Variants in COLQ observed in about 807,000 individuals in gnomAD.
The protein encoded by COLQ is acetylcholinesterase collagenic tail peptide.
COLQ carries 48 observed loss-of-function variants against 69.0 expected under a neutral mutation model. That is an observed-to-expected ratio of 0.70 (90% CI 0.55 to 0.88). The LOEUF (loss-of-function observed/expected upper bound fraction) is 0.88. Among genes scored for constraint, COLQ ranks in the 40% least tolerant of loss-of-function variants. The probability of loss-of-function intolerance (pLI) is 0.00; values close to 1 mark genes in which losing one functional copy is unlikely to be tolerated. For missense variants in COLQ, 618 were observed against 594.6 expected, an observed-to-expected ratio of 1.04 and a Z score of -0.41; for synonymous variants, 217 against 211.2, an observed-to-expected ratio of 1.03 and a Z score of -0.24.
intron 16 of COLQ, among the ~76,000 whole-genome samples, chr3:15,453,248 A>G (rs1559510686): frequency 6.6e-6 from 1 of 152,230 alleles, no homozygotes; most frequent in East Asian, 1.9e-4. Context: ...CTTGTCCTGA[A>G]CAACATAAAT....
rs1227107586 is a variant in COLQ at position 15,479,147 on chromosome 3, G to C, written c.367-144C>G. 2.5e-6 allele frequency: 3 copies of C among 1,187,070 alleles called. No individual in the cohort carries two copies. The Admixed American group carries it at 5.2e-5, about 21-fold the overall frequency. 73.5% of individuals were successfully genotyped at this position (1,187,070 alleles called of 1,614,324 possible). On this transcript the variant is annotated intron_variant, in intron 4 of 16. Transcript: ENST00000383788. ...TCACGGCCCCTCTGCCATGTCGATA[G>C]GCCACGTCAAAATACACCAGTGGTA...
chr3:15,488,981 A>G (rs2062621149), intron 2 of COLQ, among the ~76,000 whole-genome samples: 1 of 152,142 alleles, frequency 6.6e-6, no homozygotes, highest in African/African-American at 2.4e-5. Flanking sequence ...AAGTCCCCAG[A>G]ATGCCCTGGC....
At chr3:15,519,852 T>A (rs2063112328) in intron 1 of COLQ, among the ~76,000 whole-genome samples, 1 of 152,254 alleles carries the variant, frequency 6.6e-6, no homozygotes, top group African/African-American at 2.4e-5. Flanking sequence ...AAAATGATGG[T>A]AAACCCCAGT....
intron 1 of COLQ, among the ~76,000 whole-genome samples, chr3:15,510,214 C>T (rs2062966820): frequency 1.3e-5 from 2 of 151,394 alleles, no homozygotes; most frequent in South Asian, 2.1e-4. Flanking sequence ...TGGAATGAAA[C>T]ATCCCAGGAG....
At chr3:15,515,800 C>T (rs146231392) in intron 1 of COLQ, among the ~76,000 whole-genome samples, 4,124 of 151,916 alleles carry the variant, frequency 0.027, 186 homozygotes, top group African/African-American at 0.092. Flanking sequence ...GGCGAGACTC[C>T]GTCTCAAAAA....
chr3:15,496,764 G>C (rs1047495186), intron 1 of COLQ, among the ~76,000 whole-genome samples: 1 of 152,230 alleles, frequency 6.6e-6, no homozygotes, highest in African/African-American at 2.4e-5. Context: ...TGAAGCTTTT[G>C]TTGTCGATGA....
At chr3:15,465,153 G>A (rs1258863760) in intron 12 of COLQ, among the ~76,000 whole-genome samples, 4 of 95,436 alleles carry the variant, frequency 4.2e-5, no homozygotes, top group African/African-American at 4.2e-5. Context: ...CAACCTGGGC[G>A]ACAGAGCAAG....
In COLQ at chr3:15,470,624, GAAGGA is replaced by G. The variant is rs763532071; in HGVS notation, c.637-13_637-9del. 1.2e-6 allele frequency: 2 copies of G among 1,613,870 alleles called. No individual in the cohort carries two copies. The highest frequency in any genetic ancestry group is 1.7e-6 in the Non-Finnish European group (2 of 1,179,756). On this transcript the variant is annotated splice_polypyrimidine_tract_variant and intron_variant, in intron 10 of 16. Coordinates refer to ENST00000383788, the MANE Select transcript of COLQ (RefSeq NM_005677.4). The stretch of plus-strand genomic sequence containing the variant: ...TTTTGGACCCATTTCACCCTGGAAA[GAAGGA>G]AAGAGAAGCAAGAGAGGACTTAGGG...
chr3:15,498,486 CGT>C (rs746031661), intron 1 of COLQ: 1 of 1,538,638 alleles, frequency 6.5e-7, no homozygotes, highest in Non-Finnish European at 8.8e-7. Context: ...CACACACACA[CGT>C]GCACACACGC....
chr3:15,514,613 T>A (rs888530087), intron 1 of COLQ, among the ~76,000 whole-genome samples: 1 of 152,144 alleles, frequency 6.6e-6, no homozygotes, highest in Admixed American at 6.6e-5. Flanking sequence ...AGTGCTGTAG[T>A]TTGAGACTCT....
In COLQ at chr3:15,461,704, C is replaced by T. The variant is rs146976945; in HGVS notation, c.815-3379G>A. Among the ~76,000 whole-genome samples, 16 of 152,262 alleles carry T rather than the reference C, an allele frequency of 1.1e-4. No homozygotes were observed. In the East Asian group the frequency reaches 2.7e-3, roughly 26 times the overall value. ...CACTGCTGTGACCTTGCAGGCATCA[C>T]TTCTCTTTGAGGTTCAAGATTCTTT... On this transcript the variant is annotated intron_variant, in intron 12 of 16. Transcript: ENST00000383788.
At chr3:15,479,209 C>A (rs1363731670) in intron 4 of COLQ, 129 bp downstream of exon 4, 8 of 1,173,002 alleles carry the variant, frequency 6.8e-6, no homozygotes, top group Non-Finnish European at 9.0e-6. Flanking sequence ...CATCATGGAA[C>A]CCAGCCTCTC....
chr3:15,482,367 A>G (rs1379732907), intron 3 of COLQ, among the ~76,000 whole-genome samples: 1 of 152,154 alleles, frequency 6.6e-6, no homozygotes, highest in Non-Finnish European at 1.5e-5. Flanking sequence ...AGCTCTTATT[A>G]TTTTGAGATA....
At chr3:15,468,457 A>T (rs2062234227) in intron 11 of COLQ, among the ~76,000 whole-genome samples, 1 of 150,202 alleles carries the variant, frequency 6.7e-6, no homozygotes, top group Non-Finnish European at 1.5e-5. Context: ...CAGTTTCCCA[A>T]GCAGCTGGGA....
chr3:15,452,763 T>TCTGGGGGAGA (rs1329967131), intron 16 of COLQ, among the ~76,000 whole-genome samples: 4 of 151,588 alleles, frequency 2.6e-5, no homozygotes, highest in Non-Finnish European at 4.4e-5. Context: ...GGGCTTAGAG[T>TCTGGGGGAGA]CTGGGGGAGA....
At chr3:15,485,267 C>G (rs1330576651) in intron 3 of COLQ, among the ~76,000 whole-genome samples, 2 of 152,204 alleles carry the variant, frequency 1.3e-5, no homozygotes, top group Non-Finnish European at 2.9e-5. Flanking sequence ...GAAGCTTCAT[C>G]TCAGAGGGGC....
intron 2 of COLQ, among the ~76,000 whole-genome samples, chr3:15,489,088 G>A (rs6773439): frequency 0.26 from 39,685 of 152,066 alleles, 6,369 homozygotes; most frequent in East Asian, 0.51. Flanking sequence ...GTGTGGCTAC[G>A]GGAGAACTAT....
rs778040042 is a variant in COLQ, at chr3:15,498,606, G to C, written c.107-8969C>G. Reference sequence around the variant, plus strand: ...CCGTCATTGTGAGGCAGGGCCCAAAGCGGACTGGCCAGGGAACACTAGCCG... The same window carrying C: ...CCGTCATTGTGAGGCAGGGCCCAAACCGGACTGGCCAGGGAACACTAGCCG... On this transcript the variant is annotated intron_variant, in intron 1 of 16. Transcript: ENST00000383788. 2.6e-6 allele frequency: 4 copies of C among 1,551,766 alleles called. No homozygotes were observed. The South Asian group carries it at 4.8e-5, about 18-fold the overall frequency.
intron 1 of COLQ, among the ~76,000 whole-genome samples, chr3:15,521,061 A>G (rs535507185): frequency 7.9e-5 from 12 of 151,804 alleles, no homozygotes; most frequent in Non-Finnish European, 1.8e-4. Context: ...TCGAGGGACT[A>G]TTGTGGCCAT....
Sources: gnomAD v4.1 joint callset for allele counts (sites outside exome capture counted in the v4.1 genomes callset) on GRCh38, gnomAD v4.1.1 for gene constraint, MANE v1.5 for transcripts, NCBI Gene and HGNC (gene_info 2026-07-23, HGNC 2026-07-21) for gene names.